Variants in USP32 observed in about 807,000 individuals in gnomAD.
USP32 encodes ubiquitin carboxyl-terminal hydrolase 32.
A neutral mutation model predicts 204.8 loss-of-function variants in USP32; 59 were observed. The observed-to-expected ratio is 0.29, with a 90% CI of 0.23 to 0.36. The LOEUF (loss-of-function observed/expected upper bound fraction) is 0.36, where lower values mean the gene tolerates loss of function less well. Ranked by LOEUF, USP32 falls within the 10% of genes least tolerant of loss-of-function variation. The pLI is 1.00. For missense variants in USP32, 1,160 were observed against 1,946.4 expected, an observed-to-expected ratio of 0.60 and a Z score of 7.60; for synonymous variants, 517 against 678.4, an observed-to-expected ratio of 0.76 and a Z score of 3.70.
intron 13 of USP32, among the ~76,000 whole-genome samples, chr17:60,224,724 A>G (rs1026421088): frequency 1.3e-5 from 2 of 152,238 alleles, no homozygotes; most frequent in African/African-American, 4.8e-5. Context: ...TGGAGGTTAC[A>G]GTGAGCTATG....
intron 26 of USP32, 23 bp from the exon 27 acceptor site, chr17:60,198,467 A>T (rs755881700): frequency 6.2e-7 from 1 of 1,611,028 alleles, no homozygotes; most frequent in Non-Finnish European, 8.5e-7. Context: ...ACAAGAGAAT[A>T]GAGAGTTCAG....
intron 5 of USP32, among the ~76,000 whole-genome samples, chr17:60,287,133 C>T (rs948100902): frequency 1.3e-5 from 2 of 152,022 alleles, no homozygotes; most frequent in Admixed American, 6.6e-5. Flanking sequence ...CTGGGCGACA[C>T]AGCAATACTT....
intron 1 of USP32, among the ~76,000 whole-genome samples, chr17:60,391,667 T>C (rs2089836618): frequency 1.3e-5 from 2 of 151,952 alleles, no homozygotes; most frequent in Admixed American, 6.5e-5. Context: ...GATCCCCCTC[T>C]CTCAGGACAA....
chr17:60,383,961 A>T (rs2089687698), intron 1 of USP32, among the ~76,000 whole-genome samples: 1 of 152,244 alleles, frequency 6.6e-6, no homozygotes. Context: ...AAACTACTGC[A>T]CAGTGTCTTG....
At chr17:60,295,974 G>GT in intron 3 of USP32, among the ~76,000 whole-genome samples, 1 of 152,086 alleles carries the variant, frequency 6.6e-6, no homozygotes, top group South Asian at 2.1e-4. Flanking sequence ...AGTTGACAAT[G>GT]TTTAAGGACA....
chr17:60,381,998 G>A (rs1017951779), intron 1 of USP32, among the ~76,000 whole-genome samples: 2 of 152,114 alleles, frequency 1.3e-5, no homozygotes, highest in African/African-American at 4.8e-5. Context: ...TGTGTGCATG[G>A]TGAACTCATT....
upstream of USP32, among the ~76,000 whole-genome samples, chr17:60,393,927 G>T (rs1352517722): frequency 6.6e-6 from 1 of 151,956 alleles, no homozygotes; most frequent in African/African-American, 2.4e-5. Context: ...CAGATGATCC[G>T]CCCGCCTCAG....
At chr17:60,274,895 T>A (rs951870661) in intron 5 of USP32, among the ~76,000 whole-genome samples, 8 of 152,262 alleles carry the variant, frequency 5.3e-5, no homozygotes, top group African/African-American at 1.9e-4. Flanking sequence ...CTTCAGATCT[T>A]TACTCAAATG....
chr17:60,360,375 T>G lies in USP32; in HGVS notation c.59-14767A>C, dbSNP rs182169547. ...AAAAAATTTTTGTATTTGTATTTTGTATTACAGGCGCAGTGGCTCATGCCT... is the reference window on the plus strand; with the variant it reads ...AAAAAATTTTTGTATTTGTATTTTGGATTACAGGCGCAGTGGCTCATGCCT... On this transcript the variant is annotated intron_variant, in intron 1 of 33. Coordinates refer to ENST00000300896, the MANE Select transcript of USP32 (RefSeq NM_032582.4). Among the ~76,000 whole-genome samples, 17 of 152,154 alleles carry G rather than the reference T, an allele frequency of 1.1e-4. No homozygotes were observed. The East Asian group carries it at 3.3e-3, about 30-fold the overall frequency.
Position 60,271,371 on chromosome 17 carries a change from T to C in USP32, c.682A>G (p.Ile228Val). 1.9e-6 allele frequency: 3 copies of C among 1,614,068 alleles called. 1 individual carries two copies. The highest frequency in any genetic ancestry group is 2.5e-6 in the Non-Finnish European group (3 of 1,179,974). Reference sequence around the variant, plus strand: ...CTACCTTCACTTAGAGATGGACGAATAGGTGGTGAAACCAATGGGCCAAAT... The same window carrying C: ...CTACCTTCACTTAGAGATGGACGAACAGGTGGTGAAACCAATGGGCCAAAT... The part of the protein sequence containing the change: ...ETFGPLVSPP[I>V]RPSLSEGLFN... The change falls in exon 6 of 34, where the codon ATT becomes GTT. Residue 228 changes from isoleucine to valine, a missense_variant. Coordinates refer to ENST00000300896, the MANE Select transcript of USP32 (RefSeq NM_032582.4).
Position 60,207,063 on chromosome 17 carries a change from C to T in USP32, c.2995G>A (p.Val999Ile). Residue 999 changes from valine (V) to isoleucine (I), a missense_variant, in exon 25 of 34, where the codon GTC becomes ATC. Val to Ile is a conservative substitution (Grantham distance 29). Coordinates refer to ENST00000300896, the MANE Select transcript of USP32 (RefSeq NM_032582.4). ...SGFLCAFEIP[V>I]PVSPISASSP... ...GAAGCTGAAATTGGAGACACAGGGA[C>T]AGGAATTTCAAATGCACACAAAAAT... 6.2e-7 allele frequency: 1 copy of T among 1,613,176 alleles called. No individual in the cohort carries two copies.
chr17:60,231,719 A>G, intron 12 of USP32: 1 of 396,684 alleles, frequency 2.5e-6, no homozygotes. Flanking sequence ...GCATGTGAAT[A>G]GTAATAGCTG....
intron 1 of USP32, among the ~76,000 whole-genome samples, chr17:60,386,947 G>A (rs1555623611): frequency 6.6e-6 from 1 of 152,058 alleles, no homozygotes; most frequent in Non-Finnish European, 1.5e-5. Context: ...CTTAAAAACT[G>A]CCCCATTTTT....
chr17:60,240,639 C>A (rs1449485587), intron 11 of USP32, among the ~76,000 whole-genome samples: 1 of 152,168 alleles, frequency 6.6e-6, no homozygotes, highest in Non-Finnish European at 1.5e-5. Context: ...TCTAGAAGCT[C>A]AGCCAGAGGT....
chr17:60,213,170 A>G (rs2627872), intron 18 of USP32, among the ~76,000 whole-genome samples: 1 of 152,234 alleles, frequency 6.6e-6, no homozygotes, highest in African/African-American at 2.4e-5. Context: ...TGAATATACA[A>G]ATAGCTCTGT....
chr17:60,341,328 G>A (rs1449532630), intron 2 of USP32, among the ~76,000 whole-genome samples: 1 of 151,992 alleles, frequency 6.6e-6, no homozygotes, highest in Non-Finnish European at 1.5e-5. Flanking sequence ...TTCTTTCCAT[G>A]TTTAATGCTT....
intron 2 of USP32, among the ~76,000 whole-genome samples, chr17:60,307,451 C>T (rs2087751945): frequency 6.6e-6 from 1 of 152,016 alleles, no homozygotes; most frequent in Non-Finnish European, 1.5e-5. Flanking sequence ...TTTACAAATT[C>T]GATGCAATCC....
chr17:60,194,223 T>C (rs1192777105), intron 27 of USP32, among the ~76,000 whole-genome samples: 1 of 152,122 alleles, frequency 6.6e-6, no homozygotes, highest in Non-Finnish European at 1.5e-5. Flanking sequence ...TTTACATTTT[T>C]TGTAAAGACA....
At chr17:60,287,931 G>T (rs1455677871) in intron 5 of USP32, among the ~76,000 whole-genome samples, 1 of 151,888 alleles carries the variant, frequency 6.6e-6, no homozygotes, top group Non-Finnish European at 1.5e-5. Context: ...GGCTAACATG[G>T]TGAAACCCTG....
Sources: allele counts gnomAD v4.1 joint callset (sites outside exome capture counted in the v4.1 genomes callset), GRCh38; gene constraint gnomAD v4.1.1; transcripts MANE v1.5; gene names NCBI Gene and HGNC (gene_info 2026-07-23, HGNC 2026-07-21).